The following NBPF3 variants were observed in gnomAD, a reference collection of about 807,000 sequenced individuals.
NBPF3 encodes NBPF family member NBPF3.
A neutral mutation model predicts 78.1 loss-of-function variants in NBPF3; 57 were observed. The observed-to-expected ratio is 0.73, with a 90% CI of 0.59 to 0.91. NBPF3 has a LOEUF of 0.91. Ranked by LOEUF, NBPF3 falls within the 40% of genes least tolerant of loss-of-function variation. The probability of loss-of-function intolerance (pLI) is 0.00; values close to 1 mark genes in which losing one functional copy is unlikely to be tolerated. For synonymous variants in NBPF3, 182 were observed against 271.7 expected (o/e 0.67, Z 3.25); for missense variants, 510 against 715.3 (o/e 0.71, Z 3.27).
chr1:21,445,032 C>T lies in NBPF3; in HGVS notation c.-55C>T. The T allele has an allele frequency of 1.9e-6, 3 of 1,560,872 alleles. No homozygotes were observed. The highest frequency in any genetic ancestry group is 2.6e-6 in the Non-Finnish European group (3 of 1,150,290). ...CACCAGCCAATTGTCCCTTGCCGTCCTCCTGAGGGTATCTGGAGCTTCAGT... is the reference window on the plus strand; with the variant it reads ...CACCAGCCAATTGTCCCTTGCCGTCTTCCTGAGGGTATCTGGAGCTTCAGT... On this transcript the variant is annotated 5_prime_UTR_variant, in exon 2 of 15. Coordinates refer to ENST00000318249, the MANE Select transcript of NBPF3 (RefSeq NM_032264.6).
chr1:21,446,446 T>TTTCTTTCC (rs1640974868), intron 2 of NBPF3: 2 of 104,744 alleles, frequency 1.9e-5, no homozygotes, highest in South Asian at 4.1e-4. Context: ...AATTTGTTCA[T>TTTCTTTCC]TTCCTTCCTT....
intron 1 of NBPF3, among the ~76,000 whole-genome samples, chr1:21,442,872 G>A (rs1569904565): frequency 6.6e-6 from 1 of 152,084 alleles, no homozygotes; most frequent in East Asian, 1.9e-4. Flanking sequence ...ATGTTTCCCA[G>A]GTTGGTCTCG....
chr1:21,470,573 A>T, intron 3 of NBPF3, 59 bp from the exon 4 acceptor site: 3 of 1,383,378 alleles, frequency 2.2e-6, no homozygotes, highest in Non-Finnish European at 3.0e-6. Flanking sequence ...CCCTGTAGGC[A>T]GTGACCAGAG....
rs1330860321 is a variant in NBPF3 at position 21,473,387 on chromosome 1, C to A, written c.742C>A (p.Gln248Lys). The A allele has an allele frequency of 6.2e-7, 1 of 1,613,878 alleles. No homozygotes were observed. Among genetic ancestry groups the A allele is most frequent in the Non-Finnish European group, 8.5e-7 (1 of 1,179,876 alleles). ...TCCCACCTGGCTCATCAGGGAGGTG[C>A]AGAAGGCTGAAGAAAAGGAAGTCCC... ...VQELYAPREVQKAEEKEVPED... is the reference protein window; with the variant it reads ...VQELYAPREVKKAEEKEVPED... Residue 248 changes from glutamine (Q) to lysine (K), a missense_variant, in exon 7 of 15, where the codon CAG becomes AAG. By Grantham distance (53) the Gln-to-Lys change is moderately conservative (BLOSUM62 1). Transcript: ENST00000318249.
At chr1:21,480,726 G>A (rs1037462959) in intron 11 of NBPF3, among the ~76,000 whole-genome samples, 4 of 152,266 alleles carry the variant, frequency 2.6e-5, no homozygotes, top group African/African-American at 4.8e-5. Context: ...TACCAGAATA[G>A]GGACATTTCA....
At chr1:21,439,903 T>A (rs1361849764), upstream of NBPF3, among the ~76,000 whole-genome samples, 1 of 152,160 alleles carries the variant, frequency 6.6e-6, no homozygotes, top group Non-Finnish European at 1.5e-5. Flanking sequence ...GCTGGTGCTT[T>A]GAGAGAGACG....
At chr1:21,457,567 G>C (rs4414015) in intron 2 of NBPF3, among the ~76,000 whole-genome samples, 124,098 of 151,674 alleles carry the variant, frequency 0.82, 53,470 homozygotes, top group South Asian at 0.96. Flanking sequence ...GGAGATCAAT[G>C]AATACAACTT....
At chr1:21,453,116 C>T (rs1253800610) in intron 2 of NBPF3, among the ~76,000 whole-genome samples, 4 of 152,198 alleles carry the variant, frequency 2.6e-5, no homozygotes, top group Non-Finnish European at 5.9e-5. Flanking sequence ...CTGTCTCATG[C>T]CACTCGGGGC....
At position 21,481,657 on chromosome 1, in the gene NBPF3, A is replaced by T. The variant is rs1393215477; in HGVS notation, c.1494A>T (p.Arg498Ser). The T allele has an allele frequency of 1.2e-6, 2 of 1,611,240 alleles. No individual in the cohort carries two copies. The highest frequency in any genetic ancestry group is 2.7e-5 in the African/African-American group (2 of 74,200). ...EPEDLQDSLD[R>S]WYSTPFSYPE... is the part of the protein sequence containing the mutation. ...AGGACTTGCAGGACTCACTGGATAGATGGTATTCGACTCCTTTCAGTTATC... is the reference window on the plus strand; with the variant it reads ...AGGACTTGCAGGACTCACTGGATAGTTGGTATTCGACTCCTTTCAGTTATC... The change falls in exon 13 of 15, where the codon AGA (arginine) becomes AGT (serine). Residue 498 changes from arginine to serine, a missense_variant. Arg to Ser is a moderately radical substitution (Grantham distance 110). Around this residue, in one of 5 missense-constraint regions of NBPF3, gnomAD observed 5 missense variants for 84.7 expected, o/e 0.06. Coordinates refer to ENST00000318249, the MANE Select transcript of NBPF3 (RefSeq NM_032264.6).
upstream of NBPF3, among the ~76,000 whole-genome samples, chr1:21,438,935 A>G (rs6680842): frequency 0.026 from 3,889 of 152,320 alleles, 159 homozygotes; most frequent in African/African-American, 0.088. Flanking sequence ...CAGGCCCTTC[A>G]GAAGGGCAGT....
intron 2 of NBPF3, among the ~76,000 whole-genome samples, chr1:21,457,112 A>G (rs766148906): frequency 8.5e-5 from 13 of 152,052 alleles, no homozygotes; most frequent in Non-Finnish European, 1.2e-4. Flanking sequence ...ATTTCAAGTA[A>G]CTTCTAAATA....
At chr1:21,473,281 A>G in intron 6 of NBPF3, 99 bp from the exon 7 acceptor site, 1 of 1,390,686 alleles carries the variant, frequency 7.2e-7, no homozygotes, top group Non-Finnish European at 1.0e-6. Context: ...TTCTTGGACC[A>G]CTCTCTTAAT....
rs1643056880 is a variant in NBPF3 at position 21,479,373 on chromosome 1, A to C, written c.1181A>C (p.Lys394Thr). 6.2e-7 allele frequency: 1 copy of C among 1,610,928 alleles called. No individual in the cohort carries two copies. The highest frequency in any genetic ancestry group is 2.2e-5 in the East Asian group (1 of 44,826). The change falls in exon 10 of 15, where the codon AAG (lysine) becomes ACG (threonine). Residue 394 changes from lysine (K) to threonine (T), a missense_variant. Coordinates refer to ENST00000318249, the MANE Select transcript of NBPF3 (RefSeq NM_032264.6). ...IGRHWCDQVK[K>T]EDQEATSPRL... ...GGACATTGGTGTGATCAAGTGAAAA[A>C]GGAGGACCAAGAGGCCACAAGTCCC...
chr1:21,449,171 C>T (rs1641159178), intron 2 of NBPF3, among the ~76,000 whole-genome samples: 1 of 152,120 alleles, frequency 6.6e-6, no homozygotes, highest in Admixed American at 6.6e-5. Flanking sequence ...GGAAAGCAGA[C>T]TTCATTATAT....
rs1384792409 is a variant in NBPF3 at position 21,484,168 on chromosome 1, C to A, written c.*782C>A. 1 of 99,698 alleles carries A rather than the reference C, an allele frequency of 1.0e-5. No individual in the cohort carries two copies. The highest frequency in any genetic ancestry group is 3.3e-4 in the East Asian group (1 of 3,024). 6.2% of individuals were successfully genotyped at this position (99,698 alleles called of 1,614,324 possible). ...AGTTTCATAGGAGGTAATCACCAGA[C>A]AACTGCAGAATGTAGAACACTGAGC... is the stretch of plus-strand genomic sequence containing the variant. On this transcript the variant is annotated 3_prime_UTR_variant, in exon 15 of 15. Transcript: ENST00000318249.
intron 2 of NBPF3, among the ~76,000 whole-genome samples, chr1:21,457,222 A>G (rs1017949466): frequency 4.0e-5 from 6 of 151,294 alleles, no homozygotes; most frequent in Admixed American, 2.6e-4. Flanking sequence ...GGGTGTGTAT[A>G]TTCACCTTTT....
intron 1 of NBPF3, among the ~76,000 whole-genome samples, chr1:21,443,863 G>A (rs1229230914): frequency 6.6e-6 from 1 of 152,052 alleles, no homozygotes; most frequent in African/African-American, 2.4e-5. Context: ...CTCCCACCTT[G>A]GCATCCCAAA....
At chr1:21,444,868 G>A (rs1409599377) in intron 1 of NBPF3, 80 bp from the exon 2 acceptor site, 70 of 468,800 alleles carry the variant, frequency 1.5e-4, no homozygotes, top group East Asian at 1.6e-4. Context: ...CCCAGTCTCC[G>A]TAAATGGCAG....
intron 2 of NBPF3, among the ~76,000 whole-genome samples, chr1:21,447,125 C>T (rs536023031): frequency 2.8e-4 from 42 of 152,278 alleles, no homozygotes; most frequent in African/African-American, 9.9e-4. Context: ...TAGAACAGTT[C>T]TAGGTTTGTG....
Sources: gnomAD v4.1 joint callset for allele counts (sites outside exome capture counted in the v4.1 genomes callset) on GRCh38, gnomAD v4.1.1 for gene constraint, gnomAD v4.1.1 regional missense constraint, MANE v1.5 for transcripts, NCBI Gene and HGNC (gene_info 2026-07-23, HGNC 2026-07-21) for gene names.